Variants in UBA2 observed in about 807,000 individuals in gnomAD.
The protein encoded by UBA2 is SUMO-activating enzyme subunit 2.
Under a neutral mutation model 77.2 loss-of-function variants are expected in UBA2, and 11 were observed. That is an observed-to-expected ratio of 0.14 (90% CI 0.09 to 0.24). The LOEUF is 0.24. UBA2 is among the 10% of genes least tolerant of loss of function. The pLI, the probability that UBA2 is intolerant of heterozygous loss-of-function variation, is 1.00. For missense variants in UBA2, 487 were observed against 781.7 expected (o/e 0.62, Z 4.50); for synonymous variants, 278 against 276.7 (o/e 1.00, Z -0.05).
intron 8 of UBA2, among the ~76,000 whole-genome samples, chr19:34,445,715 G>A (rs1281830532): frequency 6.6e-6 from 1 of 152,024 alleles, no homozygotes; most frequent in Non-Finnish European, 1.5e-5. Flanking sequence ...TGGGATTATA[G>A]GCGTGAGCCA....
At chr19:34,429,165 C>T (rs770219365) in intron 1 of UBA2, 18 of 984,962 alleles carry the variant, frequency 1.8e-5, no homozygotes, top group Non-Finnish European at 2.2e-5. Flanking sequence ...CCCTGGGTCA[C>T]GGAGCGAGTG....
At chr19:34,455,121 T>C (rs1161107657) in intron 12 of UBA2, among the ~76,000 whole-genome samples, 2 of 152,198 alleles carry the variant, frequency 1.3e-5, no homozygotes, top group East Asian at 3.8e-4. Flanking sequence ...TCAAAGAGCA[T>C]TTGTGGTTAT....
At position 34,470,966 on chromosome 19, in the gene UBA2, GGGTTGT is replaced by G. The variant is rs2075728554; in HGVS notation, c.*1746_*1751del. On this transcript the variant is annotated 3_prime_UTR_variant, in exon 17 of 17. Coordinates refer to ENST00000246548, the MANE Select transcript of UBA2 (RefSeq NM_005499.3). ...TTCCTCCTTTCTGCAGTGTTTGTCT[GGGTTGT>G]CCCCTAGTTTACCAAAGTCCATTTT... The G allele has an allele frequency of 1.3e-5, 2 of 152,210 alleles. No individual in the cohort carries two copies. Among genetic ancestry groups the G allele is most frequent in the African/African-American group, 2.4e-5 (1 of 41,460 alleles). The allele number at this position is 152,210 out of a possible 1,614,324, so 9.4% of individuals were successfully genotyped here. A position where few individuals can be genotyped will look rare whatever the true frequency, so the allele number is the denominator to read the frequency against.
Position 34,452,087 on chromosome 19 carries a change from C to G in UBA2, c.978C>G (p.Ile326Met), listed in dbSNP as rs367637106. ...ATGCACGTCTTTTTTCAAAGAGCAT[C>G]GAGACTTTGAGAGTTCATTTAGCAG... ...KSYARLFSKS[I>M]ETLRVHLAEK... Residue 326 changes from isoleucine to methionine, a missense_variant, in exon 10 of 17, where the codon ATC (isoleucine) becomes ATG (methionine). Ile to Met is a conservative substitution (Grantham distance 10, BLOSUM62 1). This residue lies in a region of UBA2 where 300 missense variants were observed against 454.3 expected (regional missense o/e 0.66). Coordinates refer to ENST00000246548, the MANE Select transcript of UBA2 (RefSeq NM_005499.3). 2 of 1,609,834 alleles carry G rather than the reference C, an allele frequency of 1.2e-6. No individual in the cohort carries two copies. Among genetic ancestry groups the G allele is most frequent in the South Asian group, 1.1e-5 (1 of 90,628 alleles).
chr19:34,444,044 GT>G (rs35028159), intron 7 of UBA2, 133 bp downstream of exon 7: 9,565 of 173,926 alleles, frequency 0.055, 41 homozygotes, highest in East Asian at 0.087. Flanking sequence ...TTTTTTTTTT[GT>G]TTTTTTTTTT....
rs1172683868 is a variant in UBA2 at position 34,434,252 on chromosome 19, A to C, written c.359-616A>C. On this transcript the variant is annotated intron_variant, in intron 4 of 16. Transcript: ENST00000246548. Reference sequence around the variant, plus strand: ...TCAACCTCTGCAGTAGCTACTCTGCAGACAGGTACCACCATACCCGGCTAA... The same window carrying C: ...TCAACCTCTGCAGTAGCTACTCTGCCGACAGGTACCACCATACCCGGCTAA... 2.0e-5 allele frequency among the ~76,000 whole-genome samples: 3 copies of C among 152,154 alleles called. No individual in the cohort carries two copies. In the East Asian group the frequency reaches 5.8e-4, roughly 29 times the overall value.
At chr19:34,439,267 C>T (rs1489350991) in intron 6 of UBA2, among the ~76,000 whole-genome samples, 2 of 150,228 alleles carry the variant, frequency 1.3e-5, no homozygotes, top group African/African-American at 4.9e-5. Context: ...ATATTGGAGA[C>T]AGCCATGTAA....
At chr19:34,432,025 T>G in intron 3 of UBA2, 94 bp downstream of exon 3, 1 of 984,368 alleles carries the variant, frequency 1.0e-6, no homozygotes, top group Non-Finnish European at 1.5e-6. Flanking sequence ...AAAAAAATGA[T>G]TTTTCTAGAA....
Position 34,428,588 on chromosome 19 carries a change from G to A in UBA2, c.138+18G>A. On this transcript the variant is annotated intron_variant, in intron 1 of 16. Transcript: ENST00000246548. ...TCGACCTGGTGAGGGCCGGGCGCGC[G>A]CGCGTGAATGGCGGGCTGTGGTGCG... 1 of 1,306,214 alleles carries A rather than the reference G, an allele frequency of 7.7e-7. No homozygotes were observed. The allele number at this position is 1,306,214 out of a possible 1,614,324, so 80.9% of individuals were successfully genotyped here. A position where few individuals can be genotyped will look rare whatever the true frequency, so the allele number is the denominator to read the frequency against.
chr19:34,428,574 A>G lies in UBA2; in HGVS notation c.138+4A>G. Reference sequence around the variant, plus strand: ...CGGTTTCTCCCACATCGACCTGGTGAGGGCCGGGCGCGCGCGCGTGAATGG... The same window carrying G: ...CGGTTTCTCCCACATCGACCTGGTGGGGGCCGGGCGCGCGCGCGTGAATGG... On this transcript the variant is annotated splice_donor_region_variant and intron_variant, in intron 1 of 16. Coordinates refer to ENST00000246548, the MANE Select transcript of UBA2 (RefSeq NM_005499.3). The G allele has an allele frequency of 8.5e-7, 1 of 1,173,852 alleles. No homozygotes were observed. 72.7% of individuals were successfully genotyped at this position (1,173,852 alleles called of 1,614,324 possible).
At chr19:34,464,955 A>G (rs941099215) in intron 15 of UBA2, among the ~76,000 whole-genome samples, 2 of 152,050 alleles carry the variant, frequency 1.3e-5, no homozygotes, top group Non-Finnish European at 2.9e-5. Context: ...CTGTAATCCC[A>G]GAAACTTAGG....
At chr19:34,457,705 C>T (rs186812528) in intron 12 of UBA2, among the ~76,000 whole-genome samples, 51 of 152,134 alleles carry the variant, frequency 3.4e-4, no homozygotes, top group African/African-American at 1.2e-3. Context: ...AGAATTCATT[C>T]CTCTTAGCAG....
chr19:34,429,673 AC>A (rs1478531165), intron 1 of UBA2, among the ~76,000 whole-genome samples: 4 of 151,988 alleles, frequency 2.6e-5, no homozygotes, highest in African/African-American at 9.7e-5. Context: ...CCCCGTCTCT[AC>A]AAAAAAAGAA....
At chr19:34,458,391 TAA>T (rs1195539359) in intron 12 of UBA2, among the ~76,000 whole-genome samples, 27 of 143,992 alleles carry the variant, frequency 1.9e-4, no homozygotes, top group African/African-American at 6.0e-4. Flanking sequence ...CCGTCTCTAC[TAA>T]AAAAAAAATA....
Position 34,464,051 on chromosome 19 carries a change from A to G in UBA2, c.1524A>G (p.Glu508=). Residue 508 remains glutamate (E), a synonymous_variant, in exon 15 of 17, where the codon GAA becomes GAG. Transcript: ENST00000246548. ...CTAATAATCACAAGAAGTTGTCAGA[A>G]TTTGGAATTAGAAATGGCAGCCGGC... ...TEANNHKKLS[E]FGIRNGSRLQ... is the part of the protein sequence containing the mutation. 1 of 1,613,766 alleles carries G rather than the reference A, an allele frequency of 6.2e-7. No individual in the cohort carries two copies. Among genetic ancestry groups the G allele is most frequent in the Non-Finnish European group, 8.5e-7 (1 of 1,179,702 alleles).
chr19:34,454,351 A>G lies in UBA2; in HGVS notation c.1130A>G (p.Lys377Arg). ...AATATGAAGAGTAGATTTGATATCA[A>G]ATGTAAGTTATTTGTACTAAAGTTG... is the stretch of plus-strand genomic sequence containing the variant. The part of the protein sequence containing the change: ...SMNMKSRFDI[K>R]SMAGNIIPAI... The change falls in exon 11 of 17, where the codon AAA becomes AGA. Residue 377 changes from lysine (K) to arginine (R), a missense_variant and splice_region_variant. Coordinates refer to ENST00000246548, the MANE Select transcript of UBA2 (RefSeq NM_005499.3). 1.9e-6 allele frequency: 3 copies of G among 1,609,962 alleles called. No homozygotes were observed. Among genetic ancestry groups the G allele is most frequent in the Non-Finnish European group, 2.5e-6 (3 of 1,178,270 alleles).
chr19:34,466,349 A>G (rs2075687912), intron 15 of UBA2, among the ~76,000 whole-genome samples: 1 of 152,174 alleles, frequency 6.6e-6, no homozygotes, highest in Non-Finnish European at 1.5e-5. Context: ...AAAAAGAAAA[A>G]GATCACATTG....
At chr19:34,464,721 A>T (rs1054036388) in intron 15 of UBA2, among the ~76,000 whole-genome samples, 1 of 152,206 alleles carries the variant, frequency 6.6e-6, no homozygotes, top group Non-Finnish European at 1.5e-5. Context: ...TAAAATTATT[A>T]ATTATTTTTC....
rs909125550 is a variant in UBA2 at position 34,461,559 on chromosome 19, T to G, written c.1498+993T>G. 5.3e-5 allele frequency among the ~76,000 whole-genome samples: 8 copies of G among 152,358 alleles called. 1 individual carries two copies. Among genetic ancestry groups the G allele is most frequent in the Admixed American group, 4.6e-4 (7 of 15,304 alleles). On this transcript the variant is annotated intron_variant, in intron 14 of 16. Coordinates refer to ENST00000246548, the MANE Select transcript of UBA2 (RefSeq NM_005499.3). The stretch of plus-strand genomic sequence containing the variant: ...GCTGTCCCTTAGTTGTAGCCAGCTC[T>G]TTCAAATGCTAGCTTAAAAATGGAA...
Sources: allele counts gnomAD v4.1 joint callset (sites outside exome capture counted in the v4.1 genomes callset), GRCh38; gene constraint gnomAD v4.1.1; regional missense constraint gnomAD v4.1.1; transcripts MANE v1.5; gene names NCBI Gene and HGNC (gene_info 2026-07-23, HGNC 2026-07-21).